FOXM1: variants seen among roughly 807,000 people sequenced by gnomAD.
FOXM1 encodes the protein forkhead box M1.
FOXM1 carries 25 observed loss-of-function variants against 63.6 expected under a neutral mutation model. The ratio of observed to expected loss-of-function variants is 0.39; its 90% CI spans 0.29 to 0.55. The LOEUF is 0.55. Ranked by LOEUF, FOXM1 falls within the 20% of genes least tolerant of loss-of-function variation. The pLI is 0.60. For missense variants in FOXM1, 879 were observed against 958.7 expected (o/e 0.92, Z 1.10); for synonymous variants, 387 against 376.9 (o/e 1.03, Z -0.31).
Position 2,859,380 on chromosome 12 carries a change from T to C in FOXM1, c.1550A>G (p.Tyr517Cys), listed in dbSNP as rs777063139. The change falls in exon 9 of 9, where the codon TAC becomes TGC. Residue 517 changes from tyrosine to cysteine, a missense_variant. Around this residue, in one of 4 missense-constraint regions of FOXM1, gnomAD observed 486 missense variants for 453.5 expected, o/e 1.07. Transcript: ENST00000359843. ...QSPTPRPKKS[Y>C]SGLRSPTRCV... ...CCGGGTTGGGGACCTAAGCCCACTG[T>C]AGGACTTCTTGGGTCTTGGGGTGGG... 13 of 1,613,880 alleles carry C rather than the reference T, an allele frequency of 8.1e-6. No individual in the cohort carries two copies. Among genetic ancestry groups the C allele is most frequent in the Admixed American group, 3.3e-5 (2 of 59,992 alleles).
intron 6 of FOXM1, chr12:2,865,079 G>A (rs1319010787): frequency 1.2e-5 from 7 of 585,630 alleles, no homozygotes; most frequent in South Asian, 4.2e-5. Context: ...ACGAACTGCC[G>A]CCCCTGAGGC....
rs145399295 is a variant in FOXM1 at position 2,875,820 on chromosome 12, G to T, written c.-48+1100C>A. On this transcript the variant is annotated intron_variant, in intron 1 of 8. Transcript: ENST00000359843. ...TTGTCACCCAGGCTGGAGTGCAATG[G>T]CGCAATCTCAGCTCACTGCAACCTC... Among the ~76,000 whole-genome samples, 1,263 of 150,238 alleles carry T rather than the reference G, an allele frequency of 8.4e-3. 20 individuals are homozygous for T. The highest frequency in any genetic ancestry group is 0.029 in the African/African-American group (1,168 of 40,552).
chr12:2,867,351 C>T (rs1755980205), intron 4 of FOXM1, among the ~76,000 whole-genome samples: 2 of 151,850 alleles, frequency 1.3e-5, no homozygotes, highest in African/African-American at 4.8e-5. Flanking sequence ...CCTGTTATCC[C>T]AGCTACTTGG....
At chr12:2,869,573 T>A (rs2098129310) in intron 3 of FOXM1, among the ~76,000 whole-genome samples, 1 of 150,698 alleles carries the variant, frequency 6.6e-6, no homozygotes, top group Non-Finnish European at 1.5e-5. Flanking sequence ...GTAGCTGAGA[T>A]TACAGGTGCC....
chr12:2,861,857 G>A (rs2098114093), intron 8 of FOXM1, among the ~76,000 whole-genome samples: 1 of 152,210 alleles, frequency 6.6e-6, no homozygotes, highest in Non-Finnish European at 1.5e-5. Flanking sequence ...AAGTGACTTG[G>A]AAGAAATTCC....
chr12:2,872,109 T>C lies in FOXM1; in HGVS notation c.641A>G (p.Gln214Arg). 1 of 1,614,222 alleles carries C rather than the reference T, an allele frequency of 6.2e-7. No individual in the cohort carries two copies. Among genetic ancestry groups the C allele is most frequent in the South Asian group, 1.1e-5 (1 of 91,088 alleles). The part of the protein sequence containing the change: ...MEEKENCHLE[Q>R]RQVKVEEPSR... ...GGAACAATTCACCTTAACCTGTCGC[T>C]GCTCCAGGTGACAATTCTCCTTTTC... Residue 214 changes from glutamine (Q) to arginine (R), a missense_variant, in exon 3 of 9, where the codon CAG (glutamine) becomes CGG (arginine). This residue lies in a region of FOXM1 where 255 missense variants were observed against 292.4 expected (regional missense o/e 0.87). Coordinates refer to ENST00000359843, the MANE Select transcript of FOXM1 (RefSeq NM_021953.4). This position sits in a 1 kb window ranked among gnomAD's most constrained non-coding sequence, Gnocchi z 4.0.
At position 2,858,755 on chromosome 12, in the gene FOXM1, G is replaced by A. The variant is rs748758384; in HGVS notation, c.2175C>T (p.Asp725=). Reference sequence around the variant, plus strand: ...TCTTGCTGAGGCTGTCATTCATTGTGTCCAGGACCAGGCCTTCTGTCAGAG... The same window carrying A: ...TCTTGCTGAGGCTGTCATTCATTGTATCCAGGACCAGGCCTTCTGTCAGAG... The part of the protein sequence containing the change: ...NRSLTEGLVL[D]TMNDSLSKIL... The change falls in exon 9 of 9, where the codon GAC becomes GAT. Residue 725 remains aspartate, a synonymous_variant. Coordinates refer to ENST00000359843, the MANE Select transcript of FOXM1 (RefSeq NM_021953.4). 16 of 1,614,104 alleles carry A rather than the reference G, an allele frequency of 9.9e-6. No homozygotes were observed. The highest frequency in any genetic ancestry group is 1.3e-5 in the Non-Finnish European group (15 of 1,180,038).
At chr12:2,863,346 C>T (rs2098117367) in intron 8 of FOXM1, among the ~76,000 whole-genome samples, 6 of 152,160 alleles carry the variant, frequency 3.9e-5, no homozygotes, top group Admixed American at 3.3e-4. Flanking sequence ...TGGCACTGCC[C>T]ATTAGCATGC....
chr12:2,859,847 T>C (rs931165038), intron 8 of FOXM1, 184 bp from the exon 9 acceptor site: 1 of 584,584 alleles, frequency 1.7e-6, no homozygotes, highest in African/African-American at 1.9e-5. Flanking sequence ...GTATGTAGTA[T>C]GTAGTGGCAT....
Position 2,859,048 on chromosome 12 carries a change from G to A in FOXM1, c.1882C>T (p.Pro628Ser). 1 of 1,609,056 alleles carries A rather than the reference G, an allele frequency of 6.2e-7. No individual in the cohort carries two copies. The highest frequency in any genetic ancestry group is 8.5e-7 in the Non-Finnish European group (1 of 1,177,568). The change falls in exon 9 of 9, where the codon CCC (proline) becomes TCC (serine). Residue 628 changes from proline (P) to serine (S), a missense_variant. Physicochemically the swap from Pro to Ser is moderately conservative, Grantham distance 74. Transcript: ENST00000359843. Reference protein sequence around the residue: ...PRTPESWRLTPPAKVGGLDFS... With the variant: ...PRTPESWRLTSPAKVGGLDFS... ...TCCAGTCCCCCTACTTTGGCTGGGG[G>A]CGTGAGCCTCCAGGATTCAGGGGTT...
At position 2,864,653 on chromosome 12, in the gene FOXM1, C is replaced by T. The variant is rs2098119868; in HGVS notation, c.1090+30G>A. On this transcript the variant is annotated intron_variant, in intron 7 of 8. Transcript: ENST00000359843. The surrounding 1 kb of genome is among the most constrained non-coding windows in gnomAD (Gnocchi z 5.1). ...AAAGATATGGCCCCAGAACAAGGAC[C>T]AGGCCCAAGGCCCACTCTCCCATAC... 1.9e-6 allele frequency: 3 copies of T among 1,611,642 alleles called. No individual in the cohort carries two copies. In the Admixed American group the frequency reaches 5.0e-5, roughly 27 times the overall value.
intron 3 of FOXM1, among the ~76,000 whole-genome samples, chr12:2,869,084 G>A (rs976434265): frequency 2.0e-5 from 3 of 152,062 alleles, no homozygotes; most frequent in Non-Finnish European, 2.9e-5. Flanking sequence ...CTAAAACCAC[G>A]CCCGTTTTTC....
chr12:2,861,035 G>A (rs1327882702), intron 8 of FOXM1, among the ~76,000 whole-genome samples: 1 of 151,846 alleles, frequency 6.6e-6, no homozygotes, highest in Non-Finnish European at 1.5e-5. Context: ...GGGCGCAGTG[G>A]TGGGCGCCTG....
rs1375206835 is a variant in FOXM1, at chr12:2,869,384, T to C, written c.655-630A>G. ...TTCCCAGGCTCAGGTGATCCTCCTG[T>C]CTCAGCCTCCAAGTAGCTGGGACTA... On this transcript the variant is annotated intron_variant, in intron 3 of 8. Coordinates refer to ENST00000359843, the MANE Select transcript of FOXM1 (RefSeq NM_021953.4). 4.0e-4 allele frequency among the ~76,000 whole-genome samples: 61 copies of C among 151,506 alleles called. 1 individual carries two copies. The highest frequency in any genetic ancestry group is 3.9e-3 in the Admixed American group (60 of 15,202).
At chr12:2,862,172 C>G (rs1319781706) in intron 8 of FOXM1, among the ~76,000 whole-genome samples, 1 of 148,334 alleles carries the variant, frequency 6.7e-6, no homozygotes, top group African/African-American at 2.5e-5. Flanking sequence ...GAGTGAGACT[C>G]CGTCTCAGGA....
At chr12:2,868,448 A>G (rs1261850900) in intron 4 of FOXM1, 115 bp downstream of exon 4, 1 of 702,352 alleles carries the variant, frequency 1.4e-6, no homozygotes, top group Non-Finnish European at 2.4e-6. Context: ...ACATTTGTTT[A>G]TCATTCTAGT....
chr12:2,858,395 G>A lies in FOXM1; in HGVS notation c.*243C>T, dbSNP rs910222111. On this transcript the variant is annotated 3_prime_UTR_variant, in exon 9 of 9. Transcript: ENST00000359843. ...GGGTTCCTAATCTCTTTTCACCATTGCCTTTGTTGTTCCCACCCTTCAGCT... is the reference window on the plus strand; with the variant it reads ...GGGTTCCTAATCTCTTTTCACCATTACCTTTGTTGTTCCCACCCTTCAGCT... The A allele has an allele frequency of 2.8e-5, 14 of 492,820 alleles. No individual in the cohort carries two copies. Among genetic ancestry groups the A allele is most frequent in the African/African-American group, 2.5e-4 (13 of 52,346 alleles). 30.5% of individuals were successfully genotyped at this position (492,820 alleles called of 1,614,324 possible).
chr12:2,862,431 G>A (rs966280331), intron 8 of FOXM1, among the ~76,000 whole-genome samples: 7 of 152,096 alleles, frequency 4.6e-5, no homozygotes, highest in African/African-American at 1.7e-4. Context: ...CCCACTGCAT[G>A]AAAACCCAAA....
chr12:2,870,312 A>C (rs1022390859), intron 3 of FOXM1, among the ~76,000 whole-genome samples: 1 of 152,212 alleles, frequency 6.6e-6, no homozygotes. Flanking sequence ...GCTGGAGGCT[A>C]TGATCCTAAG....
Sources: gnomAD v4.1 joint callset for allele counts (sites outside exome capture counted in the v4.1 genomes callset) on GRCh38, gnomAD v4.1.1 for gene constraint, gnomAD v4.1.1 regional missense constraint, Gnocchi (gnomAD v3.1) non-coding constraint, MANE v1.5 for transcripts, NCBI Gene and HGNC (gene_info 2026-07-23, HGNC 2026-07-21) for gene names.